The following TFG variants were observed in gnomAD, a reference collection of about 807,000 sequenced individuals.
TFG encodes trafficking from ER to golgi regulator.
TFG carries 22 observed loss-of-function variants against 51.4 expected under a neutral mutation model. That is an observed-to-expected ratio of 0.43 (90% CI 0.31 to 0.61). The LOEUF (loss-of-function observed/expected upper bound fraction) is 0.61. Ranked by LOEUF, TFG falls within the 20% of genes least tolerant of loss-of-function variation. The pLI, the probability that TFG is intolerant of heterozygous loss-of-function variation, is 0.12. For synonymous variants in TFG, 187 were observed against 165.6 expected (o/e 1.13, Z -0.99); for missense variants, 419 against 487.7 (o/e 0.86, Z 1.33).
At position 100,737,124 on chromosome 3, in the gene TFG, T is replaced by A. The variant is rs901602883; in HGVS notation, c.721+408T>A. Among the ~76,000 whole-genome samples, 9 of 152,358 alleles carry A rather than the reference T, an allele frequency of 5.9e-5. No individual in the cohort carries two copies. The East Asian group carries it at 1.7e-3, about 29-fold the overall frequency. On this transcript the variant is annotated intron_variant, in intron 6 of 7. Transcript: ENST00000240851. Reference sequence around the variant, plus strand: ...AAGATTTCTGAATAGAGGTAAAGGATAACTTTAGTTGTAGTGGGTTTTTTT... The same window carrying A: ...AAGATTTCTGAATAGAGGTAAAGGAAAACTTTAGTTGTAGTGGGTTTTTTT...
At chr3:100,710,194 C>T (rs2095026314) in intron 1 of TFG, 1 of 152,210 alleles carries the variant, frequency 6.6e-6, no homozygotes, top group African/African-American at 2.4e-5. Context: ...AGCCTAGTTC[C>T]TTGGCTAAGT....
chr3:100,723,392 C>T (rs1170455805), intron 3 of TFG, among the ~76,000 whole-genome samples: 2 of 151,924 alleles, frequency 1.3e-5, no homozygotes, highest in Non-Finnish European at 2.9e-5. Context: ...AGGTAGAAAG[C>T]TCAATAGATA....
intron 2 of TFG, 21 bp from the exon 3 acceptor site, chr3:100,719,954 T>C (rs779553427): frequency 7.1e-5 from 25 of 352,402 alleles, no homozygotes; most frequent in South Asian, 1.4e-4. Flanking sequence ...AAAAACAACC[T>C]TTTTTTTTTT....
intron 5 of TFG, 28 bp from the exon 6 acceptor site, chr3:100,736,547 AC>A: frequency 2.5e-6 from 4 of 1,611,970 alleles, no homozygotes; most frequent in Non-Finnish European, 3.4e-6. Context: ...TGTGTTGGAT[AC>A]TAAACTGACT....
intron 3 of TFG, among the ~76,000 whole-genome samples, chr3:100,727,655 A>T (rs1173926602): frequency 6.6e-6 from 1 of 152,190 alleles, no homozygotes; most frequent in Non-Finnish European, 1.5e-5. Context: ...CAGTCAACTG[A>T]AAATCATTTG....
At chr3:100,727,399 G>T (rs932712250) in intron 3 of TFG, among the ~76,000 whole-genome samples, 1 of 151,326 alleles carries the variant, frequency 6.6e-6, no homozygotes, top group Non-Finnish European at 1.5e-5. Context: ...CTTATAATTG[G>T]TGGTTTGATT....
intron 5 of TFG, among the ~76,000 whole-genome samples, chr3:100,735,705 C>G (rs1320572720): frequency 2.6e-5 from 4 of 152,118 alleles, no homozygotes; most frequent in Non-Finnish European, 4.4e-5. Flanking sequence ...TTTTGACTGT[C>G]ACAGCATTGG....
In TFG at chr3:100,744,849, G is replaced by C. The variant is rs370273888; in HGVS notation, c.738G>C (p.Gln246His). 4.7e-5 allele frequency: 76 copies of C among 1,613,066 alleles called. 1 individual carries two copies. The highest frequency in any genetic ancestry group is 2.2e-4 in the South Asian group (20 of 90,988). Residue 246 changes from glutamine (Q) to histidine (H), a missense_variant, in exon 7 of 8, where the codon CAG becomes CAC. Coordinates refer to ENST00000240851, the MANE Select transcript of TFG (RefSeq NM_006070.6). ...TGTTTTCAGGTCAGATGTACCAACAGTACCAGCAACAGGCCGGCTATGGTG... is the reference window on the plus strand; with the variant it reads ...TGTTTTCAGGTCAGATGTACCAACACTACCAGCAACAGGCCGGCTATGGTG... ...AGQIEGQMYQ[Q>H]YQQQAGYGAQ...
At position 100,744,065 on chromosome 3, in the gene TFG, G is replaced by C. The variant is rs955798775; in HGVS notation, c.722-768G>C. On this transcript the variant is annotated intron_variant, in intron 6 of 7. Coordinates refer to ENST00000240851, the MANE Select transcript of TFG (RefSeq NM_006070.6). ...CTTGAAAATCACAGGTATGGGAACA[G>C]ATTGTGAGGACAGAAAAATAAAAAG... 6 of 152,256 alleles carry C rather than the reference G, an allele frequency of 3.9e-5. No individual in the cohort carries two copies. In the South Asian group the frequency reaches 8.3e-4, roughly 21 times the overall value. The allele number at this position is 152,256 out of a possible 1,614,324, so 9.4% of individuals were successfully genotyped here.
intron 4 of TFG, 138 bp downstream of exon 4, chr3:100,728,996 T>G (rs1378411667): frequency 1.4e-6 from 1 of 697,748 alleles, no homozygotes; most frequent in Non-Finnish European, 2.3e-6. Flanking sequence ...TACTAGTATT[T>G]ATGTCTGTGT....
At chr3:100,709,390 C>G (rs1332004952), upstream of TFG, 1 of 152,502 alleles carries the variant, frequency 6.6e-6, no homozygotes, top group Non-Finnish European at 1.5e-5. Flanking sequence ...CAGCCGGGAC[C>G]CAGCCAGCCC....
chr3:100,722,574 C>T (rs879758822), intron 3 of TFG, among the ~76,000 whole-genome samples: 10 of 152,120 alleles, frequency 6.6e-5, no homozygotes, highest in Non-Finnish European at 1.2e-4. Flanking sequence ...CCCCACTGGA[C>T]ATATTGTCAT....
chr3:100,745,952 T>C (rs1268160808), intron 7 of TFG, among the ~76,000 whole-genome samples: 1 of 152,210 alleles, frequency 6.6e-6, no homozygotes, highest in African/African-American at 2.4e-5. Flanking sequence ...CAGAAAAGTT[T>C]GCTGACTCCT....
At chr3:100,746,400 CAGTGGAGGGAGCT>C in intron 7 of TFG, among the ~76,000 whole-genome samples, 1 of 152,190 alleles carries the variant, frequency 6.6e-6, no homozygotes. Context: ...TACAGCCATT[CAGTGGAGGGAGCT>C]GGATCAGTTC....
chr3:100,733,813 G>A (rs970924294), intron 5 of TFG, among the ~76,000 whole-genome samples: 56 of 152,242 alleles, frequency 3.7e-4, no homozygotes, highest in African/African-American at 1.2e-3. Context: ...ACAGAAAAGC[G>A]CTCTCTAAAA....
At chr3:100,744,740 A>G in intron 6 of TFG, 93 bp from the exon 7 acceptor site, 5 of 736,898 alleles carry the variant, frequency 6.8e-6, no homozygotes, top group South Asian at 3.6e-5. Context: ...CTCTGTTTGG[A>G]TGGAGAGGGA....
At chr3:100,724,758 C>T (rs942883273) in intron 3 of TFG, among the ~76,000 whole-genome samples, 1 of 152,132 alleles carries the variant, frequency 6.6e-6, no homozygotes, top group African/African-American at 2.4e-5. Flanking sequence ...ATTGCTCACC[C>T]AAGGAGTCTA....
intron 2 of TFG, among the ~76,000 whole-genome samples, chr3:100,714,506 A>T (rs2095040265): frequency 6.6e-6 from 1 of 152,214 alleles, no homozygotes; most frequent in South Asian, 2.1e-4. Flanking sequence ...TCTCAAAAAA[A>T]AAAAAATAGC....
intron 3 of TFG, among the ~76,000 whole-genome samples, chr3:100,720,875 A>G (rs975367120): frequency 3.9e-5 from 6 of 152,232 alleles, no homozygotes; most frequent in African/African-American, 1.4e-4. Context: ...TAGTGTGATT[A>G]TGTGAAAAAT....
Sources: gnomAD v4.1 joint callset for allele counts (sites outside exome capture counted in the v4.1 genomes callset) on GRCh38, gnomAD v4.1.1 for gene constraint, MANE v1.5 for transcripts, NCBI Gene and HGNC (gene_info 2026-07-23, HGNC 2026-07-21) for gene names.